The following RAP1GAP variants were observed in gnomAD, a reference collection of about 807,000 sequenced individuals.
RAP1GAP encodes the protein rap1 GTPase-activating protein 1.
In RAP1GAP, 35 loss-of-function variants were observed where a neutral mutation model predicts 87.2. The observed-to-expected ratio is 0.40, with a 90% CI of 0.31 to 0.53. RAP1GAP has a LOEUF of 0.53. Ranked by LOEUF, RAP1GAP falls within the 20% of genes least tolerant of loss-of-function variation. RAP1GAP has a pLI of 0.48. For synonymous variants in RAP1GAP, 375 were observed against 363.9 expected, an observed-to-expected ratio of 1.03 and a Z score of -0.35; for missense variants, 734 against 898.9, an observed-to-expected ratio of 0.82 and a Z score of 2.35.
chr1:21,654,791 C>T (rs1458804701), intron 1 of RAP1GAP, among the ~76,000 whole-genome samples: 1 of 151,450 alleles, frequency 6.6e-6, no homozygotes, highest in African/African-American at 2.4e-5. Flanking sequence ...CTGACTGCAC[C>T]ACTGCACTCC....
chr1:21,606,335 T>G, intron 17 of RAP1GAP, 138 bp from the exon 18 acceptor site: 1 of 1,305,810 alleles, frequency 7.7e-7, no homozygotes, highest in Non-Finnish European at 1.0e-6. Context: ...CCCCTGGGCA[T>G]GTGGCCAGCA....
intron 3 of RAP1GAP, among the ~76,000 whole-genome samples, chr1:21,620,851 C>A (rs935234399): frequency 1.8e-5 from 2 of 110,356 alleles, no homozygotes; most frequent in African/African-American, 2.8e-5. Flanking sequence ...GAAGCACGCA[C>A]ACTCTCTCTC....
chr1:21,617,889 C>T (rs1313050369), intron 6 of RAP1GAP, 45 bp downstream of exon 6: 2 of 1,613,670 alleles, frequency 1.2e-6, no homozygotes, highest in Non-Finnish European at 1.7e-6. Context: ...GTGTAAGTGC[C>T]TCCTGGGCTT....
chr1:21,642,167 C>T (rs6658321), intron 2 of RAP1GAP, among the ~76,000 whole-genome samples: 18,929 of 152,268 alleles, frequency 0.12, 1,371 homozygotes, highest in East Asian at 0.35. Flanking sequence ...CCAGTGCCCA[C>T]GGCTGGGGTG....
chr1:21,651,973 G>T, intron 1 of RAP1GAP: 1 of 567,938 alleles, frequency 1.8e-6, no homozygotes, highest in Non-Finnish European at 2.2e-6. Flanking sequence ...GCTGCCGGGG[G>T]CCGCCGGCGC....
At position 21,649,729 on chromosome 1, in the gene RAP1GAP, C is replaced by T. The variant is rs1372695305; in HGVS notation, c.-113+32G>A. The T allele has an allele frequency of 1.9e-6, 3 of 1,550,076 alleles. No homozygotes were observed. The South Asian group carries it at 3.6e-5, about 18-fold the overall frequency. The stretch of plus-strand genomic sequence containing the variant: ...TATCTGCAGGGACCAGCCAAGGAAA[C>T]CCAGGCCCTCCTGAGAGTCCCCAGT... On this transcript the variant is annotated intron_variant, in intron 2 of 24. Coordinates refer to ENST00000374765, the MANE Select transcript of RAP1GAP (RefSeq NM_002885.4).
chr1:21,614,748 G>A (rs540753712), intron 7 of RAP1GAP, among the ~76,000 whole-genome samples: 50 of 152,194 alleles, frequency 3.3e-4, no homozygotes, highest in African/African-American at 1.2e-3. Flanking sequence ...TGGCACCTCC[G>A]GGTGGGGAAG....
chr1:21,620,184 G>T, intron 3 of RAP1GAP, 134 bp from the exon 4 acceptor site: 1 of 884,172 alleles, frequency 1.1e-6, no homozygotes, highest in Non-Finnish European at 1.8e-6. Context: ...GCAAGCGGGA[G>T]TGACGGGAGC....
intron 24 of RAP1GAP, 65 bp downstream of exon 24, chr1:21,597,621 C>G (rs1341645795): frequency 5.7e-6 from 8 of 1,407,290 alleles, no homozygotes; most frequent in Non-Finnish European, 2.9e-6. Flanking sequence ...AGGGAGGAAT[C>G]AGCTCAGCCC....
intron 3 of RAP1GAP, among the ~76,000 whole-genome samples, chr1:21,625,380 A>C (rs2091507198): frequency 6.6e-6 from 1 of 152,244 alleles, no homozygotes; most frequent in South Asian, 2.1e-4. Context: ...ACCAGGTGGC[A>C]TGATGTCTGT....
chr1:21,665,398 A>C (rs2097307425), intron 1 of RAP1GAP: 4 of 357,190 alleles, frequency 1.1e-5, no homozygotes, highest in South Asian at 8.3e-5. Context: ...GGCAGGGACC[A>C]CAGGACCCAG....
intron 2 of RAP1GAP, among the ~76,000 whole-genome samples, chr1:21,629,898 T>C (rs899295522): frequency 1.3e-5 from 2 of 152,208 alleles, no homozygotes; most frequent in Admixed American, 6.5e-5. Context: ...ATCTGAACTT[T>C]ATAACATGTA....
intron 7 of RAP1GAP, among the ~76,000 whole-genome samples, chr1:21,614,920 A>C (rs2081033732): frequency 6.6e-6 from 1 of 152,150 alleles, no homozygotes; most frequent in Non-Finnish European, 1.5e-5. Flanking sequence ...TCCTGTTCAA[A>C]CATGAACACC....
At chr1:21,652,270 C>T (rs2096638122) in intron 1 of RAP1GAP, among the ~76,000 whole-genome samples, 1 of 152,158 alleles carries the variant, frequency 6.6e-6, no homozygotes, top group Non-Finnish European at 1.5e-5. Flanking sequence ...GGGCATGTCC[C>T]GCCCCTCCCT....
At position 21,606,144 on chromosome 1, in the gene RAP1GAP, C is replaced by T; in HGVS notation, c.1350G>A (p.Lys450=). 1 of 1,585,286 alleles carries T rather than the reference C, an allele frequency of 6.3e-7. No homozygotes were observed. The highest frequency in any genetic ancestry group is 8.6e-7 in the Non-Finnish European group (1 of 1,166,182). ...GGCTGGTGGACACGGTGTTGGGCTT[C>T]TTGTTGCTCAGCCCCATGGCATCCA... ...QSMDAMGLSN[K]KPNTVSTSHS... The change falls in exon 18 of 25, where the codon AAG becomes AAA. Residue 450 remains lysine (K), a synonymous_variant. Coordinates refer to ENST00000374765, the MANE Select transcript of RAP1GAP (RefSeq NM_002885.4).
At chr1:21,658,680 G>A (rs1040898157) in intron 1 of RAP1GAP, among the ~76,000 whole-genome samples, 6 of 152,104 alleles carry the variant, frequency 3.9e-5, no homozygotes, top group Admixed American at 2.0e-4. Context: ...CCAGAAGTTC[G>A]AGACCGGCCT....
In RAP1GAP at chr1:21,634,615, G is replaced by A; in HGVS notation, c.-112-8218C>T. 4.6e-6 allele frequency: 1 copy of A among 219,058 alleles called. No homozygotes were observed. Among genetic ancestry groups the A allele is most frequent in the Non-Finnish European group, 1.0e-5 (1 of 95,652 alleles). 13.6% of individuals were successfully genotyped at this position (219,058 alleles called of 1,614,324 possible). On this transcript the variant is annotated intron_variant, in intron 2 of 24. Coordinates refer to ENST00000374765, the MANE Select transcript of RAP1GAP (RefSeq NM_002885.4). The surrounding 1 kb of genome is among the most constrained non-coding windows in gnomAD (Gnocchi z 4.1). Reference sequence around the variant, plus strand: ...CATGGGGCCGCCACCCTCGCCCCATGCTGGCTGCATGCCGAGACACCCGGA... The same window carrying A: ...CATGGGGCCGCCACCCTCGCCCCATACTGGCTGCATGCCGAGACACCCGGA...
intron 2 of RAP1GAP, among the ~76,000 whole-genome samples, chr1:21,643,550 C>G (rs1359472505): frequency 7.1e-6 from 1 of 140,318 alleles, no homozygotes; most frequent in East Asian, 2.0e-4. Context: ...CAGCAAGACT[C>G]CGTCTCAAAA....
intron 19 of RAP1GAP, among the ~76,000 whole-genome samples, chr1:21,602,335 C>G (rs112706205): frequency 6.6e-6 from 1 of 152,176 alleles, no homozygotes; most frequent in Non-Finnish European, 1.5e-5. Context: ...TGGTTAATAT[C>G]GGGGAGGCAG....
Sources: allele counts gnomAD v4.1 joint callset (sites outside exome capture counted in the v4.1 genomes callset), GRCh38; gene constraint gnomAD v4.1.1; non-coding constraint Gnocchi (gnomAD v3.1); transcripts MANE v1.5; gene names NCBI Gene and HGNC (gene_info 2026-07-23, HGNC 2026-07-21).